The following CREBBP variants were observed in gnomAD, a reference collection of about 807,000 sequenced individuals.
CREBBP encodes the protein CREB binding lysine acetyltransferase.
A neutral mutation model predicts 265.0 loss-of-function variants in CREBBP; 19 were observed. That is an observed-to-expected ratio of 0.07 (90% CI 0.05 to 0.11). The LOEUF is 0.11. Among genes scored for constraint, CREBBP ranks in the 10% least tolerant of loss-of-function variants. The pLI is 1.00. For missense variants in CREBBP, 2,525 were observed against 3,219.0 expected, an observed-to-expected ratio of 0.78 and a Z score of 5.22; for synonymous variants, 1,457 against 1,223.7, an observed-to-expected ratio of 1.19 and a Z score of -3.98.
At chr16:3,739,763 T>TTGC in intron 24 of CREBBP, 39 bp from the exon 25 acceptor site, 2 of 1,614,090 alleles carry the variant, frequency 1.2e-6, no homozygotes, top group Non-Finnish European at 1.7e-6. Flanking sequence ...ACAAAGGCTG[T>TTGC]TGCTGACAAG....
intron 1 of CREBBP, among the ~76,000 whole-genome samples, chr16:3,876,657 C>T (rs1234787526): frequency 6.6e-6 from 1 of 152,122 alleles, no homozygotes; most frequent in African/African-American, 2.4e-5. Context: ...AGTGTAAAGG[C>T]TTCTACATAA....
intron 2 of CREBBP, among the ~76,000 whole-genome samples, chr16:3,848,572 G>A (rs1189054309): frequency 6.6e-6 from 1 of 152,136 alleles, no homozygotes; most frequent in African/African-American, 2.4e-5. Flanking sequence ...TACTGCACAT[G>A]TTAAAGAAAT....
rs780204192 is a variant in CREBBP at position 3,879,979 on chromosome 16, G to C, written c.-63C>G. ...GCCGGGCCGGCGAGGGCCCGGACGG[G>C]GGTCGGGGGCCCTGCCGGCTGCGAG... On this transcript the variant is annotated 5_prime_UTR_variant, in exon 1 of 31. Transcript: ENST00000262367. The C allele has an allele frequency of 1.1e-4, 167 of 1,512,038 alleles. No individual in the cohort carries two copies. The highest frequency in any genetic ancestry group is 1.4e-4 in the Non-Finnish European group (153 of 1,111,018). 93.7% of individuals were successfully genotyped at this position (1,512,038 alleles called of 1,614,324 possible). A position where few individuals can be genotyped will look rare whatever the true frequency, so the allele number is the denominator to read the frequency against.
At chr16:3,787,711 G>A (rs1205025359) in intron 5 of CREBBP, among the ~76,000 whole-genome samples, 1 of 152,048 alleles carries the variant, frequency 6.6e-6, no homozygotes, top group African/African-American at 2.4e-5. Context: ...CCAGGCTGGA[G>A]TGCAGTGGTG....
At chr16:3,833,619 A>G (rs770851447) in intron 2 of CREBBP, among the ~76,000 whole-genome samples, 1 of 152,356 alleles carries the variant, frequency 6.6e-6, no homozygotes, top group South Asian at 2.1e-4. Flanking sequence ...ACATTAATAC[A>G]GAAACATTTA....
chr16:3,857,875 A>G (rs1400406252), intron 1 of CREBBP, among the ~76,000 whole-genome samples: 1 of 152,244 alleles, frequency 6.6e-6, no homozygotes, highest in Non-Finnish European at 1.5e-5. Context: ...GAGAGGCTAC[A>G]CATTTCCCCA....
In CREBBP at chr16:3,731,177, G is replaced by GGGGGCA. The variant is rs765751073; in HGVS notation, c.5172+9_5172+14dup. 2 of 1,605,454 alleles carry GGGGGCA rather than the reference G, an allele frequency of 1.2e-6. No homozygotes were observed. Among genetic ancestry groups the GGGGGCA allele is most frequent in the South Asian group, 1.1e-5 (1 of 90,902 alleles). ...CCAGGCCGGCTGTGGGGGTGGGGGT[G>GGGGGCA]GGGGCAGGGCCTACCTCGCACACAG... On this transcript the variant is annotated intron_variant, in intron 30 of 30. Transcript: ENST00000262367. The surrounding 1 kb of genome is among the most constrained non-coding windows in gnomAD (Gnocchi z 7.7).
intron 1 of CREBBP, among the ~76,000 whole-genome samples, chr16:3,872,748 C>T (rs1357492732): frequency 1.3e-5 from 2 of 152,230 alleles, no homozygotes; most frequent in Admixed American, 1.3e-4. Context: ...GGGCCTACAA[C>T]GATACCCCAG....
chr16:3,817,550 T>A (rs1596997373), intron 2 of CREBBP, among the ~76,000 whole-genome samples: 1 of 152,098 alleles, frequency 6.6e-6, no homozygotes, highest in Non-Finnish European at 1.5e-5. Flanking sequence ...ATCCAAAAAC[T>A]AATTAAGGGT....
intron 10 of CREBBP, 111 bp downstream of exon 10, chr16:3,777,900 G>A: frequency 7.5e-7 from 1 of 1,325,654 alleles, no homozygotes; most frequent in African/African-American, 1.4e-5. Flanking sequence ...AACAGCTTCT[G>A]CAGGGCATGC....
chr16:3,860,607 T>A (rs1597071552), intron 1 of CREBBP, among the ~76,000 whole-genome samples: 1 of 152,338 alleles, frequency 6.6e-6, no homozygotes, highest in African/African-American at 2.4e-5. Context: ...AATGTATAGA[T>A]ATTTCAAAAC....
intron 2 of CREBBP, among the ~76,000 whole-genome samples, chr16:3,820,353 C>G (rs1405511752): frequency 2.0e-5 from 3 of 152,194 alleles, no homozygotes; most frequent in Non-Finnish European, 4.4e-5. Flanking sequence ...GTGCCACAGA[C>G]AGCACTTGGC....
At chr16:3,821,093 T>C (rs1022535286) in intron 2 of CREBBP, among the ~76,000 whole-genome samples, 5 of 152,244 alleles carry the variant, frequency 3.3e-5, no homozygotes, top group African/African-American at 7.2e-5. Context: ...TCATCAGCCA[T>C]GTAACTGGGA....
At chr16:3,811,041 C>T (rs966772581) in intron 2 of CREBBP, among the ~76,000 whole-genome samples, 1 of 152,180 alleles carries the variant, frequency 6.6e-6, no homozygotes, top group East Asian at 1.9e-4. Flanking sequence ...ATCCCTCCTG[C>T]CCCAACAATG....
At chr16:3,809,688 G>A (rs1456019877) in intron 3 of CREBBP, among the ~76,000 whole-genome samples, 1 of 152,188 alleles carries the variant, frequency 6.6e-6, no homozygotes, top group African/African-American at 2.4e-5. Flanking sequence ...TGCATCAGAG[G>A]AAGCTGGATG....
chr16:3,848,921 C>G (rs192867821), intron 2 of CREBBP, among the ~76,000 whole-genome samples: 1 of 152,226 alleles, frequency 6.6e-6, no homozygotes, highest in Admixed American at 6.5e-5. Flanking sequence ...TTGAGCATTA[C>G]TTCATCTTCA....
At chr16:3,839,464 T>C (rs1165189338) in intron 2 of CREBBP, among the ~76,000 whole-genome samples, 2 of 152,024 alleles carry the variant, frequency 1.3e-5, no homozygotes, top group Middle Eastern at 6.3e-3. Flanking sequence ...GCGGATCACC[T>C]GAGGTCAGGA....
At chr16:3,827,682 T>C (rs1182149672) in intron 2 of CREBBP, among the ~76,000 whole-genome samples, 1 of 152,064 alleles carries the variant, frequency 6.6e-6, no homozygotes, top group African/African-American at 2.4e-5. Flanking sequence ...TAAGCCACCA[T>C]GCCTGGCTAC....
chr16:3,876,182 G>A (rs1428778332), intron 1 of CREBBP, among the ~76,000 whole-genome samples: 1 of 151,796 alleles, frequency 6.6e-6, no homozygotes, highest in Non-Finnish European at 1.5e-5. Context: ...GGGATTACAG[G>A]ATTGTACTAT....
Sources: gnomAD v4.1 joint callset for allele counts (sites outside exome capture counted in the v4.1 genomes callset) on GRCh38, gnomAD v4.1.1 for gene constraint, Gnocchi (gnomAD v3.1) non-coding constraint, MANE v1.5 for transcripts, NCBI Gene and HGNC (gene_info 2026-07-23, HGNC 2026-07-21) for gene names.